METAP1: variants seen among roughly 807,000 people sequenced by gnomAD.
METAP1 encodes the protein methionyl aminopeptidase 1, also known as methionine aminopeptidase 1.
In METAP1, 28 loss-of-function variants were observed where a neutral mutation model predicts 53.8. The ratio of observed to expected loss-of-function variants is 0.52; its 90% confidence interval spans 0.39 to 0.71. The LOEUF is 0.71. METAP1 is among the 30% of genes least tolerant of loss of function. The probability of loss-of-function intolerance (pLI) is 0.00; values close to 1 mark genes in which losing one functional copy is unlikely to be tolerated. For missense variants in METAP1, 389 were observed against 479.8 expected, an observed-to-expected ratio of 0.81 and a Z score of 1.77; for synonymous variants, 181 against 165.7, an observed-to-expected ratio of 1.09 and a Z score of -0.71.
At chr4:99,027,787 A>C (rs1724675866) in intron 1 of METAP1, among the ~76,000 whole-genome samples, 1 of 152,094 alleles carries the variant, frequency 6.6e-6, no homozygotes, top group African/African-American at 2.4e-5. Flanking sequence ...GATGACCTGG[A>C]TTTTCTTTGC....
chr4:99,051,584 T>G, intron 9 of METAP1, among the ~76,000 whole-genome samples: 1 of 151,476 alleles, frequency 6.6e-6, no homozygotes, highest in South Asian at 2.1e-4. Flanking sequence ...AGAGACAGGG[T>G]TTCTCCATGT....
intron 1 of METAP1, chr4:99,025,548 G>A: frequency 1.2e-6 from 1 of 861,276 alleles, no homozygotes; most frequent in Non-Finnish European, 1.4e-6. Context: ...GCATTTCACA[G>A]GATTTTAATG....
rs1039939507 is a variant in METAP1 at position 99,048,608 on chromosome 4, G to A, written c.788-125G>A. ...TGGTCTTGAACTCCTGAGCTCAGGC[G>A]ATCTTCCTGCCTTGACCTCTCAAAG... On this transcript the variant is annotated intron_variant, in intron 8 of 10. Transcript: ENST00000296411. 28 of 1,034,036 alleles carry A rather than the reference G, an allele frequency of 2.7e-5. No homozygotes were observed. The South Asian group carries it at 3.9e-4, about 15-fold the overall frequency. The allele number at this position is 1,034,036 out of a possible 1,614,324, so 64.1% of individuals were successfully genotyped here. A position where few individuals can be genotyped will look rare whatever the true frequency, so the allele number is the denominator to read the frequency against.
intron 9 of METAP1, among the ~76,000 whole-genome samples, chr4:99,050,115 G>A (rs1331546197): frequency 1.3e-5 from 2 of 152,158 alleles, no homozygotes; most frequent in Non-Finnish European, 2.9e-5. Flanking sequence ...GCAGGGGGCG[G>A]TGGGAGAACT....
intron 9 of METAP1, among the ~76,000 whole-genome samples, chr4:99,050,293 G>A (rs2110405153): frequency 6.6e-6 from 1 of 152,350 alleles, no homozygotes; most frequent in South Asian, 2.1e-4. Context: ...TGACTTGTAT[G>A]TCGGAATCTT....
In METAP1 at chr4:99,032,136, A is replaced by C. The variant is rs945379776; in HGVS notation, c.167-2094A>C. Reference sequence around the variant, plus strand: ...GTTAAGTAAATTGTACCTAGAGATGAGAGGAGAACTTGCCATATTCAACTT... The same window carrying C: ...GTTAAGTAAATTGTACCTAGAGATGCGAGGAGAACTTGCCATATTCAACTT... On this transcript the variant is annotated intron_variant, in intron 2 of 10. Coordinates refer to ENST00000296411, the MANE Select transcript of METAP1 (RefSeq NM_015143.3). Among the ~76,000 whole-genome samples the C allele has an allele frequency of 2.6e-5, 4 of 152,080 alleles. No homozygotes were observed. The East Asian group carries it at 5.8e-4, about 22-fold the overall frequency.
chr4:99,025,583 T>C (rs1350216952), intron 1 of METAP1: 1 of 669,126 alleles, frequency 1.5e-6, no homozygotes, highest in East Asian at 1.4e-4. Context: ...AGAACCACAC[T>C]ATCCCATTTT....
At chr4:99,046,887 T>G (rs1240870327) in intron 8 of METAP1, among the ~76,000 whole-genome samples, 1 of 139,048 alleles carries the variant, frequency 7.2e-6, no homozygotes, top group Non-Finnish European at 1.5e-5. Flanking sequence ...CCAGATAATA[T>G]AGTCAATATT....
chr4:99,020,208 C>A (rs1441336806), intron 1 of METAP1, among the ~76,000 whole-genome samples: 1 of 152,094 alleles, frequency 6.6e-6, no homozygotes, highest in Non-Finnish European at 1.5e-5. Context: ...TAGTTTGGAA[C>A]CTAAAAACTG....
chr4:99,015,487 A>G (rs544226371), intron 1 of METAP1, among the ~76,000 whole-genome samples: 4 of 152,320 alleles, frequency 2.6e-5, no homozygotes, highest in East Asian at 3.9e-4. Context: ...TAAAGCTTAC[A>G]ATCAGGGGAA....
At chr4:99,044,967 T>C (rs1184899555) in intron 7 of METAP1, among the ~76,000 whole-genome samples, 1 of 152,254 alleles carries the variant, frequency 6.6e-6, no homozygotes, top group East Asian at 1.9e-4. Context: ...ATCTGGCTTA[T>C]GTTACATGGC....
At position 99,029,052 on chromosome 4, in the gene METAP1, CAT is replaced by C. The variant is rs954727666; in HGVS notation, c.166+137_166+138del. The C allele has an allele frequency of 7.1e-6, 4 of 564,652 alleles. No homozygotes were observed. In the South Asian group the frequency reaches 9.6e-5, roughly 13 times the overall value. 35.0% of individuals were successfully genotyped at this position (564,652 alleles called of 1,614,324 possible). A position where few individuals can be genotyped will look rare whatever the true frequency, so the allele number is the denominator to read the frequency against. Reference sequence around the variant, plus strand: ...ATAATCCTGAATACTAGAATTATGACATATTTTAAATTTTTGTGATATGTAAA... The same window carrying C: ...ATAATCCTGAATACTAGAATTATGACATTTTAAATTTTTGTGATATGTAAA... On this transcript the variant is annotated intron_variant, in intron 2 of 10. Coordinates refer to ENST00000296411, the MANE Select transcript of METAP1 (RefSeq NM_015143.3).
chr4:99,048,611 C>T (rs900092236), intron 8 of METAP1, 122 bp from the exon 9 acceptor site: 2 of 1,069,250 alleles, frequency 1.9e-6, no homozygotes, highest in Non-Finnish European at 1.4e-6. Context: ...CTCAGGCGAT[C>T]TTCCTGCCTT....
intron 4 of METAP1, 118 bp from the exon 5 acceptor site, chr4:99,039,256 A>T: frequency 1.7e-6 from 1 of 588,640 alleles, no homozygotes; most frequent in Non-Finnish European, 3.0e-6. Context: ...CCAAATCATG[A>T]ATTACTGTTG....
At chr4:99,001,946 C>CA (rs1722945085) in intron 1 of METAP1, among the ~76,000 whole-genome samples, 1 of 151,810 alleles carries the variant, frequency 6.6e-6, no homozygotes, top group Non-Finnish European at 1.5e-5. Flanking sequence ...ACAACAACAA[C>CA]AAAAAAACGA....
rs961680790 is a variant in METAP1, at chr4:99,037,511, A to G, written c.341-1863A>G. 2.6e-5 allele frequency among the ~76,000 whole-genome samples: 4 copies of G among 152,032 alleles called. No homozygotes were observed. In the East Asian group the frequency reaches 7.7e-4, roughly 29 times the overall value. On this transcript the variant is annotated intron_variant, in intron 4 of 10. Transcript: ENST00000296411. ...AAGGAGTTAAATAGGGATGCAACTT[A>G]ATTTTTTTTCTCAGAAGGATACCTG... is the stretch of plus-strand genomic sequence containing the variant.
At chr4:99,023,016 G>C in intron 1 of METAP1, 1 of 1,448,054 alleles carries the variant, frequency 6.9e-7, no homozygotes, top group Non-Finnish European at 9.3e-7. Flanking sequence ...CCCGCTTCTT[G>C]CTGCCACAGG....
chr4:99,056,927 A>G (rs527795716), intron 9 of METAP1, among the ~76,000 whole-genome samples: 98 of 152,218 alleles, frequency 6.4e-4, no homozygotes, highest in Non-Finnish European at 1.0e-3. Flanking sequence ...CAGTGGCGCA[A>G]TTGATCTCAG....
chr4:99,031,114 T>TTG (rs1270577887), intron 2 of METAP1, among the ~76,000 whole-genome samples: 1 of 149,886 alleles, frequency 6.7e-6, no homozygotes, highest in East Asian at 2.0e-4. Context: ...TTTTTTTTTT[T>TTG]TTTTTTTTTT....
Sources: gnomAD v4.1 joint callset for allele counts (sites outside exome capture counted in the v4.1 genomes callset) on GRCh38, gnomAD v4.1.1 for gene constraint, MANE v1.5 for transcripts, NCBI Gene and HGNC (gene_info 2026-07-23, HGNC 2026-07-21) for gene names.